Variants in LCA5L observed in about 807,000 individuals in gnomAD.
LCA5L encodes the protein lebercilin-like protein.
LCA5L carries 35 observed loss-of-function variants against 45.4 expected under a neutral mutation model. The ratio of observed to expected loss-of-function variants is 0.77; its 90% confidence interval spans 0.59 to 1.02. The LOEUF (loss-of-function observed/expected upper bound fraction) is 1.02, where lower values mean the gene tolerates loss of function less well. Ranked by LOEUF, LCA5L falls within the 50% of genes least tolerant of loss-of-function variation. The pLI is 0.00. For missense variants in LCA5L, 668 were observed against 761.6 expected (o/e 0.88, Z 1.45); for synonymous variants, 233 against 264.7 (o/e 0.88, Z 1.16).
At chr21:39,431,732 G>A (rs1385169180) in intron 3 of LCA5L, among the ~76,000 whole-genome samples, 1 of 152,096 alleles carries the variant, frequency 6.6e-6, no homozygotes, top group East Asian at 1.9e-4. Context: ...TGGCCAGGAT[G>A]GTCTCGATCT....
intron 7 of LCA5L, among the ~76,000 whole-genome samples, chr21:39,417,768 T>C (rs770338589): frequency 6.6e-6 from 1 of 151,968 alleles, no homozygotes; most frequent in Non-Finnish European, 1.5e-5. Context: ...AATTTTTTAA[T>C]TTTTAATTTT....
chr21:39,415,793 C>T (rs1019893138), intron 7 of LCA5L, among the ~76,000 whole-genome samples: 7 of 152,114 alleles, frequency 4.6e-5, no homozygotes, highest in African/African-American at 7.2e-5. Context: ...GCTATTTAAT[C>T]GTAGAAATGG....
chr21:39,417,381 T>C (rs948268679), intron 7 of LCA5L, among the ~76,000 whole-genome samples: 3 of 152,212 alleles, frequency 2.0e-5, no homozygotes, highest in African/African-American at 4.8e-5. Flanking sequence ...TTTGTACTTA[T>C]GGAAATATTT....
chr21:39,419,539 A>G (rs895543364), intron 7 of LCA5L, among the ~76,000 whole-genome samples: 2 of 151,570 alleles, frequency 1.3e-5, no homozygotes, highest in African/African-American at 4.9e-5. Context: ...AAAAAAAGAA[A>G]AAAGAAAAAA....
chr21:39,412,199 A>G lies in LCA5L; in HGVS notation c.976-397T>C, dbSNP rs909380413. Among the ~76,000 whole-genome samples the G allele has an allele frequency of 3.9e-5, 6 of 152,312 alleles. No homozygotes were observed. The Middle Eastern group carries it at 0.014, about 345-fold the overall frequency. Reference sequence around the variant, plus strand: ...GTCAGCCACACTATTTGTATTTCCAATAGGCGGTCAGCAGCTGTGTGTGAC... The same window carrying G: ...GTCAGCCACACTATTTGTATTTCCAGTAGGCGGTCAGCAGCTGTGTGTGAC... On this transcript the variant is annotated intron_variant, in intron 7 of 10. Transcript: ENST00000288350.
chr21:39,425,120 G>A (rs975409089), intron 5 of LCA5L, among the ~76,000 whole-genome samples: 2 of 152,282 alleles, frequency 1.3e-5, no homozygotes, highest in East Asian at 1.9e-4. Context: ...ATCTAGATTC[G>A]GAGAAGGAGA....
At chr21:39,419,536 GAAAAAAGAAAA>G (rs2041919056) in intron 7 of LCA5L, among the ~76,000 whole-genome samples, 1 of 129,014 alleles carries the variant, frequency 7.8e-6, no homozygotes, top group African/African-American at 3.4e-5. Context: ...AAAAAAAAAA[GAAAAAAGAAAA>G]AAGAAAGAAA....
rs763735194 is a variant in LCA5L, at chr21:39,410,007, C to T, written c.1254G>A (p.Lys418=). The T allele has an allele frequency of 2.1e-5, 33 of 1,581,550 alleles. No individual in the cohort carries two copies. The highest frequency in any genetic ancestry group is 5.0e-5 in the Admixed American group (3 of 59,406). Residue 418 remains lysine, a synonymous_variant, in exon 10 of 11, where the codon AAG becomes AAA. Coordinates refer to ENST00000288350, the MANE Select transcript of LCA5L (RefSeq NM_152505.4). ...CATATTTTCTCTTAGAATCCTCTTG[C>T]TTTGGTAGTTTATTCACACAGTGAG... The part of the protein sequence containing the change: ...EIPHCVNKLP[K]QEDSKRKYED...
rs1315580074 is a variant in LCA5L, at chr21:39,423,305, T to C, written c.508A>G (p.Thr170Ala). The C allele has an allele frequency of 1.2e-6, 2 of 1,610,644 alleles. No individual in the cohort carries two copies. The highest frequency in any genetic ancestry group is 2.2e-5 in the South Asian group (2 of 89,718). ...AGTTGTTTCAAAAATTGGTTTTCTG[T>C]AAGGATGGCTTCCAATTTATGATGC... Reference protein sequence around the residue: ...DMHHKLEAILTENQFLKQLQL... With the variant: ...DMHHKLEAILAENQFLKQLQL... The change falls in exon 6 of 11, where the codon ACA becomes GCA. Residue 170 changes from threonine (T) to alanine (A), a missense_variant. Physicochemically the swap from Thr to Ala is moderately conservative, Grantham distance 58. Coordinates refer to ENST00000288350, the MANE Select transcript of LCA5L (RefSeq NM_152505.4).
chr21:39,413,904 C>G (rs1012581144), intron 7 of LCA5L: 5 of 152,428 alleles, frequency 3.3e-5, no homozygotes, highest in African/African-American at 1.2e-4. Context: ...GGAGGCACAG[C>G]AACAACAGAA....
In LCA5L at chr21:39,409,181, G is replaced by A. The variant is rs80177348; in HGVS notation, c.1282+798C>T. ...TGGTGCTCTCTCCCCGACTCTCCTC[G>A]TGCGAGCACTAAGGAAACGCCACAT... On this transcript the variant is annotated intron_variant, in intron 10 of 10. Coordinates refer to ENST00000288350, the MANE Select transcript of LCA5L (RefSeq NM_152505.4). The surrounding 1 kb of genome is among the most constrained non-coding windows in gnomAD (Gnocchi z 4.2). Among the ~76,000 whole-genome samples the A allele has an allele frequency of 2.1e-3, 320 of 152,148 alleles. 1 individual carries two copies. The highest frequency in any genetic ancestry group is 3.4e-3 in the Non-Finnish European group (232 of 67,986).
At chr21:39,442,408 C>T (rs2076958065) in intron 2 of LCA5L, among the ~76,000 whole-genome samples, 2 of 151,922 alleles carry the variant, frequency 1.3e-5, no homozygotes, top group Admixed American at 1.3e-4. Context: ...TAACTGTAGG[C>T]AAAAGAGGGA....
intron 7 of LCA5L, chr21:39,414,249 A>G (rs974720839): frequency 3.4e-4 from 52 of 152,390 alleles, no homozygotes; most frequent in African/African-American, 1.1e-3. Context: ...GTCAGCATTG[A>G]TGGCTTCCGG....
intron 5 of LCA5L, 138 bp from the exon 6 acceptor site, chr21:39,423,628 G>T: frequency 4.8e-6 from 3 of 626,480 alleles, no homozygotes; most frequent in Non-Finnish European, 7.5e-6. Context: ...AACTAGAAGG[G>T]GACAAAACTA....
chr21:39,409,945 T>C lies in LCA5L; in HGVS notation c.1282+34A>G. The C allele has an allele frequency of 8.3e-7, 1 of 1,199,550 alleles. No homozygotes were observed. The highest frequency in any genetic ancestry group is 1.2e-6 in the Non-Finnish European group (1 of 821,304). 74.3% of individuals were successfully genotyped at this position (1,199,550 alleles called of 1,614,324 possible). A position where few individuals can be genotyped will look rare whatever the true frequency, so the allele number is the denominator to read the frequency against. ...ATAGTAATTCACAATTTTAAAGAAA[T>C]CAGATAAGATAGACTTTAAAGAGTT... On this transcript the variant is annotated intron_variant, in intron 10 of 10. Transcript: ENST00000288350. This position sits in a 1 kb window ranked among gnomAD's most constrained non-coding sequence, Gnocchi z 4.2.
intron 7 of LCA5L, among the ~76,000 whole-genome samples, chr21:39,416,677 T>A (rs1329843509): frequency 2.0e-5 from 3 of 151,980 alleles, no homozygotes; most frequent in East Asian, 3.8e-4. Flanking sequence ...TTTTTGTCCA[T>A]CCCCCAAATC....
rs538610838 is a variant in LCA5L, at chr21:39,440,416, A to C, written c.-246+3719T>G. Among the ~76,000 whole-genome samples the C allele has an allele frequency of 2.6e-5, 4 of 152,252 alleles. No homozygotes were observed. In the East Asian group the frequency reaches 7.7e-4, roughly 29 times the overall value. On this transcript the variant is annotated intron_variant, in intron 2 of 10. Transcript: ENST00000288350. The stretch of plus-strand genomic sequence containing the variant: ...ATCTCTATAAAAAACAAAACAAAAC[A>C]AATTAGCTGGGTGTGGTGGTACACA...
chr21:39,425,037 A>G (rs2074418743), intron 5 of LCA5L, among the ~76,000 whole-genome samples: 1 of 152,234 alleles, frequency 6.6e-6, no homozygotes, highest in South Asian at 2.1e-4. Context: ...CATTTGTAGG[A>G]TATAGAGGTA....
At chr21:39,432,153 A>G (rs2075799708) in intron 3 of LCA5L, among the ~76,000 whole-genome samples, 3 of 152,224 alleles carry the variant, frequency 2.0e-5, no homozygotes, top group African/African-American at 7.2e-5. Context: ...ACTTGGTAAG[A>G]TCAGTGTATA....
Sources: gnomAD v4.1 joint callset for allele counts (sites outside exome capture counted in the v4.1 genomes callset) on GRCh38, gnomAD v4.1.1 for gene constraint, Gnocchi (gnomAD v3.1) non-coding constraint, MANE v1.5 for transcripts, NCBI Gene and HGNC (gene_info 2026-07-23, HGNC 2026-07-21) for gene names.